Variants in SLC16A4 observed in about 807,000 individuals in gnomAD.
SLC16A4 encodes solute carrier family 16 member 4.
Under a neutral mutation model 47.9 loss-of-function variants are expected in SLC16A4, and 39 were observed. The observed-to-expected ratio is 0.81, with a 90% CI of 0.63 to 1.06. The LOEUF is 1.06. SLC16A4 is among the 50% of genes least tolerant of loss of function. The probability of loss-of-function intolerance (pLI) is 0.00; values close to 1 mark genes in which losing one functional copy is unlikely to be tolerated. For missense variants in SLC16A4, 524 were observed against 573.8 expected (o/e 0.91, Z 0.89); for synonymous variants, 189 against 199.9 (o/e 0.95, Z 0.46).
At chr1:110,381,435 C>T (rs1428647838) in intron 4 of SLC16A4, among the ~76,000 whole-genome samples, 1 of 152,190 alleles carries the variant, frequency 6.6e-6, no homozygotes, top group African/African-American at 2.4e-5. Flanking sequence ...AATCCTCCCA[C>T]CTCAGCTTCC....
chr1:110,381,621 T>C (rs1449870611), intron 4 of SLC16A4, 31 bp downstream of exon 4: 4 of 1,595,170 alleles, frequency 2.5e-6, no homozygotes, highest in South Asian at 1.1e-5. Context: ...ACTCCTGGCC[T>C]TCTATGGTCA....
At chr1:110,382,350 T>C (rs766199887) in intron 3 of SLC16A4, among the ~76,000 whole-genome samples, 11 of 151,810 alleles carry the variant, frequency 7.2e-5, no homozygotes, top group Non-Finnish European at 7.4e-5. Flanking sequence ...TCCCAGCTAG[T>C]TGGGAGGCTG....
intron 6 of SLC16A4, among the ~76,000 whole-genome samples, chr1:110,377,374 T>A (rs1203941964): frequency 6.6e-6 from 1 of 152,196 alleles, no homozygotes; most frequent in Non-Finnish European, 1.5e-5. Context: ...TAGAGTAGTG[T>A]AGAAGACCCA....
rs1442213113 is a variant in SLC16A4, at chr1:110,379,019, T to C, written c.864A>G (p.Lys288=). The change falls in exon 6 of 9, where the codon AAA becomes AAG. Residue 288 remains lysine (K), a synonymous_variant. Coordinates refer to ENST00000369779, the MANE Select transcript of SLC16A4 (RefSeq NM_004696.3). Reference sequence around the variant, plus strand: ...TAAAGAGAGAAATGTCAAACAGTTGTTTGCAGCTCCACGAAATAACCTTAT... The same window carrying C: ...TAAAGAGAGAAATGTCAAACAGTTGCTTGCAGCTCCACGAAATAACCTTAT... ...ESDKVISWSC[K]QLFDISLFRN... is the part of the protein sequence containing the mutation. 6.2e-7 allele frequency: 1 copy of C among 1,614,212 alleles called. No homozygotes were observed. Among genetic ancestry groups the C allele is most frequent in the East Asian group, 2.2e-5 (1 of 44,878 alleles).
In SLC16A4 at chr1:110,377,460, C is replaced by T. The variant is rs371645174; in HGVS notation, c.1031-299G>A. ...GTGGTAATCCCTGGTTACAGAGGAC[C>T]CTGGGCACAGAAGGCCATGCAGTCT... On this transcript the variant is annotated intron_variant, in intron 6 of 8. Transcript: ENST00000369779. Among the ~76,000 whole-genome samples the T allele has an allele frequency of 2.8e-4, 42 of 152,192 alleles. 1 individual carries two copies. The East Asian group carries it at 6.6e-3, about 24-fold the overall frequency.
intron 8 of SLC16A4, chr1:110,372,128 AT>A (rs1266303011): frequency 6.6e-6 from 1 of 151,848 alleles, no homozygotes; most frequent in African/African-American, 2.4e-5. Flanking sequence ...TTTCTTTTTT[AT>A]TTTTATACAG....
chr1:110,368,074 C>T (rs1484982019), intron 8 of SLC16A4, among the ~76,000 whole-genome samples: 4 of 152,266 alleles, frequency 2.6e-5, no homozygotes, highest in East Asian at 3.9e-4. Context: ...GTGATCTGCC[C>T]GCCTCGGCCT....
intron 8 of SLC16A4, among the ~76,000 whole-genome samples, chr1:110,364,427 A>C (rs1241779323): frequency 6.6e-6 from 1 of 151,938 alleles, no homozygotes; most frequent in African/African-American, 2.4e-5. Flanking sequence ...GGCTATCAGA[A>C]GATATGAGAA....
At chr1:110,389,590 C>T (rs555201741) in intron 1 of SLC16A4, among the ~76,000 whole-genome samples, 89 of 152,252 alleles carry the variant, frequency 5.8e-4, no homozygotes, top group African/African-American at 2.1e-3. Flanking sequence ...ACCAAAAAGC[C>T]ACATGCACTT....
rs767819996 is a variant in SLC16A4 at position 110,375,519 on chromosome 1, C to A, written c.1275G>T (p.Arg425Ser). Residue 425 changes from arginine to serine, a missense_variant, in exon 8 of 9, where the codon AGG becomes AGT. Coordinates refer to ENST00000369779, the MANE Select transcript of SLC16A4 (RefSeq NM_004696.3). ...CAAAGAAACTGGCAAGTCCCAAAAA[C>A]CTGTTTACTGTAGAATTCCTACACA... ...VDLCRNSTVN[R>S]FLGLASFFAG... The A allele has an allele frequency of 1.9e-6, 3 of 1,612,444 alleles. No individual in the cohort carries two copies. The highest frequency in any genetic ancestry group is 4.5e-5 in the East Asian group (2 of 44,866).
chr1:110,364,515 T>G (rs1356913471), intron 8 of SLC16A4, among the ~76,000 whole-genome samples: 1 of 149,144 alleles, frequency 6.7e-6, no homozygotes, highest in Non-Finnish European at 1.5e-5. Flanking sequence ...TTTTTTTTTT[T>G]TTTTTGAGAC....
chr1:110,364,693 T>C (rs1661282548), intron 8 of SLC16A4, among the ~76,000 whole-genome samples: 1 of 151,996 alleles, frequency 6.6e-6, no homozygotes, highest in Non-Finnish European at 1.5e-5. Context: ...GTGTTTTTAG[T>C]AGAGACGGAG....
In SLC16A4 at chr1:110,378,887, G is replaced by T. The variant is rs1662178372; in HGVS notation, c.996C>A (p.Asp332Glu). The change falls in exon 6 of 9, where the codon GAC becomes GAA. Residue 332 changes from aspartate to glutamate, a missense_variant. Coordinates refer to ENST00000369779, the MANE Select transcript of SLC16A4 (RefSeq NM_004696.3). Reference protein sequence around the residue: ...LVARAKTLGIDIMDASYLVSV... With the variant: ...LVARAKTLGIEIMDASYLVSV... ...AAACAAGGTAAGAGGCATCCATGATGTCAATCCCCAGTGTTTTGGCTCTGG... is the reference window on the plus strand; with the variant it reads ...AAACAAGGTAAGAGGCATCCATGATTTCAATCCCCAGTGTTTTGGCTCTGG... The T allele has an allele frequency of 6.2e-7, 1 of 1,613,926 alleles. No homozygotes were observed. The highest frequency in any genetic ancestry group is 8.5e-7 in the Non-Finnish European group (1 of 1,179,870).
Position 110,375,490 on chromosome 1 carries a change from C to T in SLC16A4, c.1304G>A (p.Gly435Glu), listed in dbSNP as rs371247196. 3.1e-6 allele frequency: 5 copies of T among 1,612,956 alleles called. No individual in the cohort carries two copies. Among genetic ancestry groups the T allele is most frequent in the Non-Finnish European group, 4.2e-6 (5 of 1,179,002 alleles). ...RFLGLASFFA[G>E]MAVLSGPPIA... ...AGGTGGTCCAGAAAGGACAGCCATC[C>T]CAGCAAAGAAACTGGCAAGTCCCAA... Residue 435 changes from glycine (G) to glutamate (E), a missense_variant, in exon 8 of 9, where the codon GGG (glycine) becomes GAG (glutamate). Gly to Glu is a moderately conservative substitution (Grantham distance 98). Transcript: ENST00000369779.
chr1:110,369,770 G>A (rs1661591536), intron 8 of SLC16A4, among the ~76,000 whole-genome samples: 1 of 152,138 alleles, frequency 6.6e-6, no homozygotes. Flanking sequence ...TCTCATCCCT[G>A]GGGCCACTGG....
At chr1:110,384,928 A>G (rs1327634334) in intron 2 of SLC16A4, among the ~76,000 whole-genome samples, 1 of 152,122 alleles carries the variant, frequency 6.6e-6, no homozygotes, top group East Asian at 1.9e-4. Flanking sequence ...TGGGAGGAAC[A>G]CCTGAACCTG....
intron 2 of SLC16A4, 46 bp from the exon 3 acceptor site, chr1:110,383,012 A>AT (rs1662506347): frequency 2.6e-6 from 4 of 1,513,414 alleles, no homozygotes; most frequent in Non-Finnish European, 3.6e-6. Context: ...TAAGTGAGCC[A>AT]TTACAGAGGC....
chr1:110,368,423 A>G (rs1661509985), intron 8 of SLC16A4, among the ~76,000 whole-genome samples: 1 of 152,212 alleles, frequency 6.6e-6, no homozygotes. Context: ...CTCTGTAAGC[A>G]TTTCCTTGGT....
intron 3 of SLC16A4, 26 bp from the exon 4 acceptor site, chr1:110,381,821 C>A (rs766916371): frequency 6.2e-7 from 1 of 1,602,914 alleles, no homozygotes; most frequent in Non-Finnish European, 8.5e-7. Context: ...AAAGGCAATT[C>A]TTAGGTAAAT....
Sources: allele counts gnomAD v4.1 joint callset (sites outside exome capture counted in the v4.1 genomes callset), GRCh38; gene constraint gnomAD v4.1.1; transcripts MANE v1.5; gene names NCBI Gene and HGNC (gene_info 2026-07-23, HGNC 2026-07-21).